ZFAND3: variants seen among roughly 807,000 people sequenced by gnomAD.
ZFAND3 encodes zinc finger AN1-type containing 3.
ZFAND3 carries 10 observed loss-of-function variants against 29.6 expected under a neutral mutation model. That is an observed-to-expected ratio of 0.34 (90% CI 0.21 to 0.57). ZFAND3 has a LOEUF of 0.57. Ranked by LOEUF, ZFAND3 falls within the 20% of genes least tolerant of loss-of-function variation. ZFAND3 has a pLI of 0.86. For synonymous variants in ZFAND3, 128 were observed against 112.6 expected (o/e 1.14, Z -0.87); for missense variants, 230 against 304.5 (o/e 0.76, Z 1.82).
chr6:38,045,187 A>T (rs1210369497), intron 2 of ZFAND3, among the ~76,000 whole-genome samples: 1 of 151,328 alleles, frequency 6.6e-6, no homozygotes, highest in Non-Finnish European at 1.5e-5. Context: ...TCCTGGGTTT[A>T]AGCAGTCCTC....
chr6:38,151,293 C>T (rs1432424023), intron 5 of ZFAND3, among the ~76,000 whole-genome samples: 2 of 152,210 alleles, frequency 1.3e-5, no homozygotes, highest in Admixed American at 1.3e-4. Flanking sequence ...GTCTTTTTCT[C>T]TTATTTGCCA....
intron 2 of ZFAND3, among the ~76,000 whole-genome samples, chr6:38,050,702 T>A (rs1764009803): frequency 1.3e-5 from 2 of 152,202 alleles, no homozygotes; most frequent in Non-Finnish European, 2.9e-5. Flanking sequence ...TTACCCAGTC[T>A]TGGGTATTTC....
At chr6:38,094,581 T>C (rs942126302) in intron 4 of ZFAND3, among the ~76,000 whole-genome samples, 1 of 152,228 alleles carries the variant, frequency 6.6e-6, no homozygotes, top group African/African-American at 2.4e-5. Context: ...TTTTGAGATG[T>C]CAACTGGCAT....
intron 2 of ZFAND3, among the ~76,000 whole-genome samples, chr6:37,933,989 G>C (rs1026964666): frequency 2.0e-5 from 3 of 149,760 alleles, no homozygotes; most frequent in Admixed American, 6.8e-5. Context: ...CCGGGTTCAA[G>C]TGATTGTCCC....
At chr6:37,968,647 A>G (rs1156999382) in intron 2 of ZFAND3, among the ~76,000 whole-genome samples, 1 of 152,078 alleles carries the variant, frequency 6.6e-6, no homozygotes, top group Non-Finnish European at 1.5e-5. Context: ...ATACTTTCTC[A>G]TGTTTTCTCA....
chr6:38,065,783 A>G (rs1487604402), intron 3 of ZFAND3, among the ~76,000 whole-genome samples: 1 of 152,236 alleles, frequency 6.6e-6, no homozygotes, highest in Non-Finnish European at 1.5e-5. Flanking sequence ...GAGGCTGTAA[A>G]CTGACAAAGA....
intron 2 of ZFAND3, among the ~76,000 whole-genome samples, chr6:37,940,265 G>A (rs749242684): frequency 3.3e-5 from 5 of 152,180 alleles, no homozygotes; most frequent in East Asian, 3.8e-4. Flanking sequence ...GATACTTAGC[G>A]TAATTCTTGT....
chr6:37,975,960 T>G lies in ZFAND3; in HGVS notation c.112+45961T>G, dbSNP rs1762470171. On this transcript the variant is annotated intron_variant, in intron 2 of 5. Coordinates refer to ENST00000287218, the MANE Select transcript of ZFAND3 (RefSeq NM_021943.3). ...TTGGGATTGCTGTGAATGTGTAGAT[T>G]AACGGGAAAATTTACATCTTAACAA... Among the ~76,000 whole-genome samples the G allele has an allele frequency of 2.0e-5, 3 of 151,216 alleles. No individual in the cohort carries two copies. The South Asian group carries it at 6.3e-4, about 32-fold the overall frequency.
intron 1 of ZFAND3, among the ~76,000 whole-genome samples, chr6:37,820,514 A>C (rs1165933597): frequency 6.6e-6 from 1 of 152,174 alleles, no homozygotes; most frequent in African/African-American, 2.4e-5. Context: ...CCAGTGCCCC[A>C]TTTGCTTTTA....
At chr6:37,863,617 T>C (rs1480539906) in intron 1 of ZFAND3, among the ~76,000 whole-genome samples, 1 of 152,190 alleles carries the variant, frequency 6.6e-6, no homozygotes, top group African/African-American at 2.4e-5. Context: ...GGTTTTTTTT[T>C]TTTTCTTTTT....
intron 4 of ZFAND3, among the ~76,000 whole-genome samples, chr6:38,082,937 A>T (rs905416657): frequency 1.3e-5 from 2 of 152,192 alleles, no homozygotes; most frequent in African/African-American, 4.8e-5. Flanking sequence ...TCCCAAAAAC[A>T]TCTTTGTGCA....
intron 4 of ZFAND3, among the ~76,000 whole-genome samples, chr6:38,114,392 C>T (rs1375399510): frequency 6.6e-6 from 1 of 152,186 alleles, no homozygotes; most frequent in Non-Finnish European, 1.5e-5. Context: ...AGCGCCTGCC[C>T]TATCTGTAGC....
intron 3 of ZFAND3, among the ~76,000 whole-genome samples, chr6:38,078,021 TTTAC>T (rs1370231205): frequency 6.6e-6 from 1 of 152,228 alleles, no homozygotes; most frequent in Non-Finnish European, 1.5e-5. Context: ...GGTATCTTTA[TTTAC>T]TTCTGTTTTT....
rs56045448 is a variant in ZFAND3 at position 37,913,708 on chromosome 6, C to CTTTTTTTTTTTTTTTTTTTTTTTT, written c.72-16232_72-16231insTTTTTTTTTTTTTTTTTTTTTTTT. On this transcript the variant is annotated intron_variant, in intron 1 of 5. Coordinates refer to ENST00000287218, the MANE Select transcript of ZFAND3 (RefSeq NM_021943.3). ...CCCAGCTGTCTATGGCAGCTATATT[C>CTTTTTTTTTTTTTTTTTTTTTTTT]TTTTTTTTTTTTTTTTTTTGAGACA... Among the ~76,000 whole-genome samples the CTTTTTTTTTTTTTTTTTTTTTTTT allele has an allele frequency of 1.9e-4, 22 of 113,038 alleles. 2 individuals carry two copies. Among genetic ancestry groups the CTTTTTTTTTTTTTTTTTTTTTTTT allele is most frequent in the African/African-American group, 5.0e-4 (15 of 29,772 alleles). 74.2% of individuals were successfully genotyped at this position (113,038 alleles called of 152,430 possible).
intron 1 of ZFAND3, among the ~76,000 whole-genome samples, chr6:37,847,960 C>A (rs1410690971): frequency 6.6e-6 from 1 of 152,192 alleles, no homozygotes. Flanking sequence ...GATGTAGTGG[C>A]CTAAAAGCGT....
chr6:37,823,668 G>C (rs1009578547), intron 1 of ZFAND3, among the ~76,000 whole-genome samples: 1 of 152,184 alleles, frequency 6.6e-6, no homozygotes. Context: ...ATTGTGTACA[G>C]GTAATTAAGT....
intron 2 of ZFAND3, among the ~76,000 whole-genome samples, chr6:38,054,271 A>G (rs1460270639): frequency 1.3e-5 from 2 of 150,894 alleles, no homozygotes; most frequent in Non-Finnish European, 3.0e-5. Context: ...GTGTGCACCT[A>G]TAGTCCCAGC....
At chr6:37,858,968 A>G (rs575779009) in intron 1 of ZFAND3, among the ~76,000 whole-genome samples, 2 of 152,314 alleles carry the variant, frequency 1.3e-5, no homozygotes, top group Non-Finnish European at 2.9e-5. Context: ...TCGTACTTTC[A>G]TGCATGTATT....
chr6:38,068,555 A>G (rs1215190365), intron 3 of ZFAND3, among the ~76,000 whole-genome samples: 2 of 152,186 alleles, frequency 1.3e-5, no homozygotes, highest in Non-Finnish European at 2.9e-5. Flanking sequence ...TCTCCTTCCT[A>G]TTCTATAGAT....
Sources: gnomAD v4.1 joint callset for allele counts (sites outside exome capture counted in the v4.1 genomes callset) on GRCh38, gnomAD v4.1.1 for gene constraint, MANE v1.5 for transcripts, NCBI Gene and HGNC (gene_info 2026-07-23, HGNC 2026-07-21) for gene names.